Variants in TSPAN1 observed in about 807,000 individuals in gnomAD.
The protein encoded by TSPAN1 is tetraspanin-1.
In TSPAN1, 23 loss-of-function variants were observed where a neutral mutation model predicts 26.9. That is an observed-to-expected ratio of 0.85 (90% CI 0.62 to 1.21). The LOEUF (loss-of-function observed/expected upper bound fraction) is 1.21, where lower values mean the gene tolerates loss of function less well. Ranked by LOEUF, TSPAN1 falls within the 50% of genes most tolerant of loss-of-function variation. TSPAN1 has a pLI of 0.00. For synonymous variants in TSPAN1, 115 were observed against 114.8 expected, an observed-to-expected ratio of 1.00 and a Z score of -0.01; for missense variants, 283 against 298.4, an observed-to-expected ratio of 0.95 and a Z score of 0.38.
chr1:46,194,935 G>A, the TSPAN1 span: 1 of 1,614,134 alleles, frequency 6.2e-7, no homozygotes, highest in Non-Finnish European at 8.5e-7. Context: ...CCTTGGCTGT[G>A]TCCTTGAGGT....
At chr1:46,186,473 TTTTTC>T (rs1405043826), downstream of TSPAN1, among the ~76,000 whole-genome samples, 25 of 151,360 alleles carry the variant, frequency 1.7e-4, no homozygotes, top group South Asian at 4.2e-4. Flanking sequence ...ACCTCACCTC[TTTTTC>T]TTTTCTTTTC....
chr1:46,190,640 C>T (rs1473026110), downstream of TSPAN1: 3 of 1,537,918 alleles, frequency 2.0e-6, no homozygotes, highest in Non-Finnish European at 2.7e-6. Flanking sequence ...AACACACAGG[C>T]CCAGCATTGG....
downstream of TSPAN1, chr1:46,189,708 T>C (rs1657599845): frequency 4.5e-6 from 7 of 1,549,504 alleles, no homozygotes; most frequent in Non-Finnish European, 2.6e-6. Flanking sequence ...AATATGAATT[T>C]GGACAAGGAG....
downstream of TSPAN1, chr1:46,189,825 T>TC: frequency 6.2e-7 from 1 of 1,613,088 alleles, no homozygotes; most frequent in Non-Finnish European, 8.5e-7. Flanking sequence ...GGGGAGGGGT[T>TC]CTCCAGGGTG....
At chr1:46,188,650 C>T, downstream of TSPAN1, 3 of 1,554,910 alleles carry the variant, frequency 1.9e-6, no homozygotes, top group East Asian at 4.5e-5. Flanking sequence ...TCCAGCACCC[C>T]CCTGACACAC....
At chr1:46,177,525 A>T (rs571885732) in intron 1 of TSPAN1, among the ~76,000 whole-genome samples, 1 of 152,288 alleles carries the variant, frequency 6.6e-6, no homozygotes, top group East Asian at 1.9e-4. Flanking sequence ...ACTAGAGAGC[A>T]CTTCAGCACT....
chr1:46,188,410 G>A (rs934698161), downstream of TSPAN1, among the ~76,000 whole-genome samples: 1 of 152,186 alleles, frequency 6.6e-6, no homozygotes, highest in Non-Finnish European at 1.5e-5. Flanking sequence ...AAGATAAGCA[G>A]GAACCCGGCT....
the TSPAN1 span, chr1:46,193,800 G>A: frequency 6.2e-7 from 1 of 1,609,702 alleles, no homozygotes; most frequent in Non-Finnish European, 8.5e-7. Flanking sequence ...CCTGGAGGTA[G>A]ATGACCTAAG....
At chr1:46,188,852 T>G, downstream of TSPAN1, 1 of 1,612,862 alleles carries the variant, frequency 6.2e-7, no homozygotes, top group Non-Finnish European at 8.5e-7. Context: ...CACAGCAGTT[T>G]CCTGAGTAAG....
downstream of TSPAN1, among the ~76,000 whole-genome samples, chr1:46,186,872 C>A (rs1244120876): frequency 6.6e-6 from 1 of 152,038 alleles, no homozygotes; most frequent in African/African-American, 2.4e-5. Flanking sequence ...CTGTGTTAGC[C>A]AGGATGGTCT....
chr1:46,196,209 C>G, the TSPAN1 span: 1 of 1,540,826 alleles, frequency 6.5e-7, no homozygotes, highest in Admixed American at 1.9e-5. The surrounding 1 kb of genome is among the most constrained non-coding windows in gnomAD (Gnocchi z 4.4). Flanking sequence ...CAGTTCTTTT[C>G]CAACTCAGCT....
At chr1:46,187,141 C>A (rs1019697175), downstream of TSPAN1, among the ~76,000 whole-genome samples, 1 of 152,208 alleles carries the variant, frequency 6.6e-6, no homozygotes, top group Non-Finnish European at 1.5e-5. Flanking sequence ...CTAACTATCC[C>A]TATGCTCCAG....
At chr1:46,191,743 T>G in the TSPAN1 span, 1 of 350,778 alleles carries the variant, frequency 2.9e-6, no homozygotes, top group African/African-American at 2.1e-5. Context: ...CACGCCATTC[T>G]CCTGCCTCAG....
At position 46,185,325 on chromosome 1, in the gene TSPAN1, G is replaced by A; in HGVS notation, c.678+17G>A. 1 of 1,613,770 alleles carries A rather than the reference G, an allele frequency of 6.2e-7. No homozygotes were observed. ...GGCCTCGAGGTAAGCAGATGAGGAG[G>A]CTGGGACTGGGACATGGGCATGAGA... On this transcript the variant is annotated intron_variant, in intron 8 of 8. Transcript: ENST00000372003.
the TSPAN1 span, chr1:46,193,164 T>A: frequency 2.5e-6 from 4 of 1,614,122 alleles, no homozygotes; most frequent in South Asian, 4.4e-5. Flanking sequence ...GTTGTATCCT[T>A]AGTACTCACC....
In TSPAN1 at chr1:46,184,185, C is replaced by T. The variant is rs1557665427; in HGVS notation, c.58-6C>T. The T allele has an allele frequency of 6.2e-7, 1 of 1,613,980 alleles. No individual in the cohort carries two copies. Among genetic ancestry groups the T allele is most frequent in the East Asian group, 2.2e-5 (1 of 44,898 alleles). Reference sequence around the variant, plus strand: ...TTTAAGGCCTGCCTGACCTCTCTCTCCCCAGCTGTGTGGTGCAGCCCTGTT... The same window carrying T: ...TTTAAGGCCTGCCTGACCTCTCTCTTCCCAGCTGTGTGGTGCAGCCCTGTT... On this transcript the variant is annotated splice_region_variant and splice_polypyrimidine_tract_variant and intron_variant, in intron 3 of 8. Coordinates refer to ENST00000372003, the MANE Select transcript of TSPAN1 (RefSeq NM_005727.4).
the TSPAN1 span, chr1:46,194,054 C>T: frequency 6.5e-7 from 1 of 1,547,440 alleles, no homozygotes; most frequent in Non-Finnish European, 8.7e-7. Flanking sequence ...AGGATCTTCC[C>T]TGTTCTGGGC....
the TSPAN1 span, chr1:46,193,133 TC>T: frequency 8.1e-6 from 13 of 1,613,196 alleles, no homozygotes; most frequent in African/African-American, 1.3e-5. Flanking sequence ...TGCCCATGTT[TC>T]CCCCCTCCCA....
At chr1:46,177,887 A>T (rs2148135280) in intron 1 of TSPAN1, among the ~76,000 whole-genome samples, 1 of 152,344 alleles carries the variant, frequency 6.6e-6, no homozygotes, top group South Asian at 2.1e-4. Context: ...AGGTGAAGTC[A>T]CACAATTAGA....
Sources: allele counts gnomAD v4.1 joint callset (sites outside exome capture counted in the v4.1 genomes callset), GRCh38; gene constraint gnomAD v4.1.1; non-coding constraint Gnocchi (gnomAD v3.1); transcripts MANE v1.5; gene names NCBI Gene and HGNC (gene_info 2026-07-23, HGNC 2026-07-21).